The following LPP variants were observed in gnomAD, a reference collection of about 807,000 sequenced individuals.
LPP encodes LIM domain containing preferred translocation partner in lipoma.
In LPP, 38 loss-of-function variants were observed where a neutral mutation model predicts 60.4. That is an observed-to-expected ratio of 0.63 (90% CI 0.49 to 0.83). The LOEUF (loss-of-function observed/expected upper bound fraction) is 0.83, where lower values mean the gene tolerates loss of function less well. Ranked by LOEUF, LPP falls within the 40% of genes least tolerant of loss-of-function variation. The pLI, the probability that LPP is intolerant of heterozygous loss-of-function variation, is 0.00. For missense variants in LPP, 902 were observed against 783.6 expected, an observed-to-expected ratio of 1.15 and a Z score of -1.80; for synonymous variants, 328 against 290.8, an observed-to-expected ratio of 1.13 and a Z score of -1.30.
Position 188,874,566 on chromosome 3 carries a change from G to T in LPP, c.*87G>T, listed in dbSNP as rs574456696. 1.4e-6 allele frequency: 2 copies of T among 1,428,280 alleles called. No individual in the cohort carries two copies. The highest frequency in any genetic ancestry group is 1.4e-5 in the African/African-American group (1 of 71,098). The allele number at this position is 1,428,280 out of a possible 1,614,324, so 88.5% of individuals were successfully genotyped here. ...TAGAGTAAAGGCCATCAAACTACGC[G>T]ATAGTCTCTGTTCTTCATCTGCTAT... On this transcript the variant is annotated 3_prime_UTR_variant, in exon 12 of 12. Transcript: ENST00000617246.
intron 6 of LPP, among the ~76,000 whole-genome samples, chr3:188,562,806 T>A (rs1396464372): frequency 6.6e-6 from 1 of 152,032 alleles, no homozygotes; most frequent in Non-Finnish European, 1.5e-5. Flanking sequence ...TCGTTTGATG[T>A]TTAGTTTCAG....
chr3:188,527,656 GC>G (rs1041836047), intron 6 of LPP, among the ~76,000 whole-genome samples: 1 of 151,840 alleles, frequency 6.6e-6, no homozygotes, highest in African/African-American at 2.4e-5. Flanking sequence ...CCAAGCAAAT[GC>G]CCCAAATCTC....
chr3:188,203,730 C>T (rs998302181), intron 1 of LPP, among the ~76,000 whole-genome samples: 3 of 149,276 alleles, frequency 2.0e-5, no homozygotes, highest in Non-Finnish European at 4.4e-5. Flanking sequence ...ATCCTTCTGC[C>T]TTGGCCTCCC....
At chr3:188,614,917 A>G (rs2151466099) in intron 7 of LPP, among the ~76,000 whole-genome samples, 2 of 152,186 alleles carry the variant, frequency 1.3e-5, no homozygotes, top group South Asian at 4.2e-4. Flanking sequence ...TTAGAGCTAT[A>G]CTTCCCCATC....
intron 5 of LPP, among the ~76,000 whole-genome samples, chr3:188,519,295 G>A (rs182164919): frequency 3.9e-5 from 6 of 152,282 alleles, no homozygotes; most frequent in Admixed American, 2.6e-4. Context: ...GTGGCCTCAC[G>A]CATGTGATAT....
intron 4 of LPP, among the ~76,000 whole-genome samples, chr3:188,448,858 A>C (rs1351064241): frequency 1.3e-5 from 2 of 152,202 alleles, no homozygotes; most frequent in East Asian, 3.8e-4. Context: ...AAAACCTTGG[A>C]ATTTACCTGG....
chr3:188,609,942 CT>C lies in LPP; in HGVS notation c.1113+102del. ...GCCTAAGGCAAAAGTGTGTGTGTTACTTTTATTTCACTGACAAATACAATCC... is the reference window on the plus strand; with the variant it reads ...GCCTAAGGCAAAAGTGTGTGTGTTACTTTATTTCACTGACAAATACAATCC... On this transcript the variant is annotated intron_variant, in intron 7 of 11. Transcript: ENST00000617246. This position sits in a 1 kb window ranked among gnomAD's most constrained non-coding sequence, Gnocchi z 6.9. 8.5e-7 allele frequency: 1 copy of C among 1,170,966 alleles called. No individual in the cohort carries two copies. The highest frequency in any genetic ancestry group is 1.2e-6 in the Non-Finnish European group (1 of 832,504). The allele number at this position is 1,170,966 out of a possible 1,614,324, so 72.5% of individuals were successfully genotyped here.
intron 7 of LPP, among the ~76,000 whole-genome samples, chr3:188,625,499 G>A (rs903164501): frequency 6.6e-6 from 1 of 152,078 alleles, no homozygotes; most frequent in African/African-American, 2.4e-5. Context: ...ATGAGATAAT[G>A]CATATTCATC....
chr3:188,252,170 CATAT>C (rs10609191), intron 2 of LPP, among the ~76,000 whole-genome samples: 1,738 of 101,804 alleles, frequency 0.017, 23 homozygotes, highest in Middle Eastern at 0.051. Context: ...CTTCCCCAAA[CATAT>C]ATATATATAT....
chr3:188,486,356 A>T (rs1442951497), intron 5 of LPP, among the ~76,000 whole-genome samples: 1 of 152,164 alleles, frequency 6.6e-6, no homozygotes, highest in East Asian at 1.9e-4. Flanking sequence ...GACAGACACC[A>T]CTCTGTCCTC....
chr3:188,536,869 CT>C (rs1457527279), intron 6 of LPP, among the ~76,000 whole-genome samples: 2 of 152,144 alleles, frequency 1.3e-5, no homozygotes, highest in Admixed American at 6.5e-5. Context: ...TATGAAAATG[CT>C]GAAAAATGTT....
chr3:188,786,512 T>A (rs1469420155), intron 9 of LPP, among the ~76,000 whole-genome samples: 4 of 151,962 alleles, frequency 2.6e-5, no homozygotes, highest in Non-Finnish European at 5.9e-5. Flanking sequence ...GAGAAAGTTT[T>A]GGGAATTTCT....
intron 7 of LPP, among the ~76,000 whole-genome samples, chr3:188,662,332 CACAA>C (rs1193782781): frequency 2.6e-5 from 4 of 152,176 alleles, no homozygotes; most frequent in East Asian, 1.9e-4. Flanking sequence ...GTTCAACTGG[CACAA>C]ACAGTTATTA....
At chr3:188,205,750 G>T (rs975409086) in intron 1 of LPP, among the ~76,000 whole-genome samples, 3 of 152,190 alleles carry the variant, frequency 2.0e-5, no homozygotes, top group Non-Finnish European at 4.4e-5. Context: ...AAGGTACTAT[G>T]AAGAGCTCAG....
chr3:188,473,956 C>T (rs1242914822), intron 4 of LPP, among the ~76,000 whole-genome samples: 1 of 152,108 alleles, frequency 6.6e-6, no homozygotes, highest in African/African-American at 2.4e-5. Context: ...AATGTGAAAA[C>T]AAACAAACAA....
chr3:188,260,716 CA>C (rs1159546375), intron 2 of LPP, among the ~76,000 whole-genome samples: 1 of 152,002 alleles, frequency 6.6e-6, no homozygotes, highest in Non-Finnish European at 1.5e-5. Flanking sequence ...CAGATGAAAT[CA>C]GAGGAACCGA....
rs527392808 is a variant in LPP at position 188,776,640 on chromosome 3, C to T, written c.1410+16358C>T. Among the ~76,000 whole-genome samples, 243 of 152,212 alleles carry T rather than the reference C, an allele frequency of 1.6e-3. 1 individual carries two copies. Among genetic ancestry groups the T allele is most frequent in the Middle Eastern group, 0.01 (3 of 294 alleles). On this transcript the variant is annotated intron_variant, in intron 9 of 11. Transcript: ENST00000617246. ...AAGAAAACACAGCCAATGGAAAAGC[C>T]GTGTTAGTGCTGCCTGTCCTATTCT...
At chr3:188,634,524 G>T (rs907959248) in intron 7 of LPP, among the ~76,000 whole-genome samples, 1 of 152,208 alleles carries the variant, frequency 6.6e-6, no homozygotes, top group Non-Finnish European at 1.5e-5. Context: ...TCAGTGGCGG[G>T]CAAGTGGGCG....
chr3:188,794,236 T>C (rs1247454838), intron 9 of LPP, among the ~76,000 whole-genome samples: 4 of 152,248 alleles, frequency 2.6e-5, no homozygotes, highest in African/African-American at 7.2e-5. Flanking sequence ...ATCTCTGCCC[T>C]AGAACAATAA....
Sources: allele counts gnomAD v4.1 joint callset (sites outside exome capture counted in the v4.1 genomes callset), GRCh38; gene constraint gnomAD v4.1.1; non-coding constraint Gnocchi (gnomAD v3.1); transcripts MANE v1.5; gene names NCBI Gene and HGNC (gene_info 2026-07-23, HGNC 2026-07-21).